PAX5: variants seen among roughly 807,000 people sequenced by gnomAD.
PAX5 encodes the protein paired box 5, also known as paired box protein Pax-5.
In PAX5, 9 loss-of-function variants were observed where a neutral mutation model predicts 43.7. The ratio of observed to expected loss-of-function variants is 0.21; its 90% confidence interval spans 0.12 to 0.36. The LOEUF (loss-of-function observed/expected upper bound fraction) is 0.36. Ranked by LOEUF, PAX5 falls within the 10% of genes least tolerant of loss-of-function variation. PAX5 has a pLI of 1.00. For missense variants in PAX5, 383 were observed against 532.7 expected (o/e 0.72, Z 2.77); for synonymous variants, 228 against 214.3 (o/e 1.06, Z -0.56).
rs1399964175 is a variant in PAX5 at position 36,839,396 on chromosome 9, G to C, written c.*1164C>G. 4.3e-6 allele frequency: 1 copy of C among 233,598 alleles called. No individual in the cohort carries two copies. Among genetic ancestry groups the C allele is most frequent in the Non-Finnish European group, 8.4e-6 (1 of 118,370 alleles). The allele number at this position is 233,598 out of a possible 1,614,324, so 14.5% of individuals were successfully genotyped here. A position where few individuals can be genotyped will look rare whatever the true frequency, so the allele number is the denominator to read the frequency against. On this transcript the variant is annotated 3_prime_UTR_variant, in exon 10 of 10. Coordinates refer to ENST00000358127, the MANE Select transcript of PAX5 (RefSeq NM_016734.3). ...CCAGCACCTCCATGCCCAGCTGCCT[G>C]CTAAGCTCCACGAGGACGGGGAGGG... is the stretch of plus-strand genomic sequence containing the variant.
At chr9:36,991,121 A>T (rs1480441424) in intron 5 of PAX5, among the ~76,000 whole-genome samples, 1 of 152,224 alleles carries the variant, frequency 6.6e-6, no homozygotes, top group African/African-American at 2.4e-5. Context: ...AAAAAAAAAA[A>T]AAAAAAATTC....
chr9:36,891,145 A>G (rs1016795546), intron 7 of PAX5, among the ~76,000 whole-genome samples: 1 of 152,230 alleles, frequency 6.6e-6, no homozygotes, highest in Non-Finnish European at 1.5e-5. Context: ...TCTCCAAAAA[A>G]ACAAAAAAAA....
At chr9:36,908,296 A>G (rs1343276415) in intron 7 of PAX5, among the ~76,000 whole-genome samples, 1 of 151,466 alleles carries the variant, frequency 6.6e-6, no homozygotes, top group Non-Finnish European at 1.5e-5. Flanking sequence ...AGCAGCTTAG[A>G]TGTTGCTTCC....
At chr9:36,929,267 AAGGAAGGAAGGAAG>A (rs1319145887) in intron 6 of PAX5, among the ~76,000 whole-genome samples, 1 of 131,486 alleles carries the variant, frequency 7.6e-6, no homozygotes, top group Non-Finnish European at 1.8e-5. Context: ...GGAAGGAAGG[AAGGAAGGAAGGAAG>A]GAAGGAAGGA....
At chr9:36,875,761 C>A (rs1196735537) in intron 8 of PAX5, among the ~76,000 whole-genome samples, 1 of 152,116 alleles carries the variant, frequency 6.6e-6, no homozygotes, top group African/African-American at 2.4e-5. Context: ...AGCCCAACAT[C>A]GCCAGTTTCG....
At chr9:36,887,086 G>A (rs1826965569) in intron 7 of PAX5, among the ~76,000 whole-genome samples, 1 of 152,218 alleles carries the variant, frequency 6.6e-6, no homozygotes, top group Admixed American at 6.5e-5. Context: ...AAGTCACAGA[G>A]TAAGCGGTAG....
chr9:36,944,109 C>T (rs1049044030), intron 6 of PAX5, among the ~76,000 whole-genome samples: 1 of 152,180 alleles, frequency 6.6e-6, no homozygotes, highest in East Asian at 1.9e-4. Flanking sequence ...GCTTGTGCCC[C>T]GGAGTTCAAG....
At chr9:36,979,467 T>C (rs1004210381) in intron 5 of PAX5, among the ~76,000 whole-genome samples, 2 of 152,178 alleles carry the variant, frequency 1.3e-5, no homozygotes, top group Non-Finnish European at 2.9e-5. Flanking sequence ...TGCCTAGACA[T>C]CTGAAAAGGA....
At chr9:36,939,954 C>T (rs1445176182) in intron 6 of PAX5, among the ~76,000 whole-genome samples, 1 of 152,222 alleles carries the variant, frequency 6.6e-6, no homozygotes, top group African/African-American at 2.4e-5. Context: ...GGAACTCGGG[C>T]TGGGGCTGCC....
intron 3 of PAX5, among the ~76,000 whole-genome samples, chr9:37,009,648 T>C (rs1838760418): frequency 1.3e-5 from 2 of 152,164 alleles, no homozygotes; most frequent in African/African-American, 2.4e-5. Context: ...TTAGTAATAA[T>C]TTAACTGTAC....
intron 8 of PAX5, among the ~76,000 whole-genome samples, chr9:36,855,941 G>A (rs898644851): frequency 1.3e-5 from 2 of 152,214 alleles, no homozygotes; most frequent in Non-Finnish European, 2.9e-5. Context: ...TCCCAGCTGA[G>A]AGCAGTCCCC....
intron 7 of PAX5, among the ~76,000 whole-genome samples, chr9:36,884,290 A>AC (rs1409754223): frequency 6.6e-6 from 1 of 152,250 alleles, no homozygotes; most frequent in Non-Finnish European, 1.5e-5. Flanking sequence ...AAAGAATAAT[A>AC]TACCATGACC....
chr9:36,941,629 A>G (rs1033078527), intron 6 of PAX5, among the ~76,000 whole-genome samples: 2 of 152,184 alleles, frequency 1.3e-5, no homozygotes, highest in Admixed American at 1.3e-4. Flanking sequence ...GAGGATCTGG[A>G]GACCTCAGAC....
intron 7 of PAX5, among the ~76,000 whole-genome samples, chr9:36,920,887 C>T (rs1044667425): frequency 7.0e-6 from 1 of 143,358 alleles, no homozygotes; most frequent in Non-Finnish European, 1.5e-5. Flanking sequence ...GATCTTGGCT[C>T]ACTGCAACCT....
chr9:36,921,944 G>A (rs1830206805), intron 7 of PAX5, among the ~76,000 whole-genome samples: 1 of 152,148 alleles, frequency 6.6e-6, no homozygotes. Flanking sequence ...CACCTGTGGG[G>A]TCAGCAAAGG....
intron 6 of PAX5, among the ~76,000 whole-genome samples, chr9:36,950,701 A>G (rs1026488354): frequency 6.7e-6 from 1 of 149,516 alleles, no homozygotes; most frequent in Non-Finnish European, 1.5e-5. Flanking sequence ...CCCTTTTGAG[A>G]TCAGATCACA....
rs569904132 is a variant in PAX5 at position 36,997,831 on chromosome 9, C to T, written c.604+4817G>A. ...GATAGAAATGATTTGTGGCCCCTGC[C>T]CTGTCAAGTCCACATGAGTGGCAGC... On this transcript the variant is annotated intron_variant, in intron 5 of 9. Transcript: ENST00000358127. Among the ~76,000 whole-genome samples, 4 of 152,328 alleles carry T rather than the reference C, an allele frequency of 2.6e-5. No individual in the cohort carries two copies. In the South Asian group the frequency reaches 6.2e-4, roughly 24 times the overall value.
At chr9:37,031,938 A>G (rs934794814) in intron 1 of PAX5, among the ~76,000 whole-genome samples, 3 of 152,206 alleles carry the variant, frequency 2.0e-5, no homozygotes, top group African/African-American at 7.2e-5. Context: ...CTCTCATAGG[A>G]ACCAGACCTG....
chr9:36,936,830 GCACACA>G (rs60878828), intron 6 of PAX5, among the ~76,000 whole-genome samples: 1 of 133,516 alleles, frequency 7.5e-6, no homozygotes, highest in East Asian at 2.0e-4. Flanking sequence ...ACACACACAT[GCACACA>G]CACACACACA....
Sources: allele counts gnomAD v4.1 joint callset (sites outside exome capture counted in the v4.1 genomes callset), GRCh38; gene constraint gnomAD v4.1.1; transcripts MANE v1.5; gene names NCBI Gene and HGNC (gene_info 2026-07-23, HGNC 2026-07-21).